The following C3orf20 variants were observed in gnomAD, a reference collection of about 807,000 sequenced individuals.
The protein encoded by C3orf20 is family with sequence similarity 149 member C, also known as uncharacterized protein C3orf20.
Under a neutral mutation model 88.3 loss-of-function variants are expected in C3orf20, and 76 were observed. The ratio of observed to expected loss-of-function variants is 0.86; its 90% confidence interval spans 0.72 to 1.04. The LOEUF (loss-of-function observed/expected upper bound fraction) is 1.04. Among genes scored for constraint, C3orf20 ranks in the 50% least tolerant of loss-of-function variants. The pLI, the probability that C3orf20 is intolerant of heterozygous loss-of-function variation, is 0.00. For missense variants in C3orf20, 1,056 were observed against 1,123.3 expected (o/e 0.94, Z 0.86); for synonymous variants, 436 against 437.4 (o/e 1.00, Z 0.04).
In C3orf20 at chr3:14,684,251, A is replaced by G; in HGVS notation, c.494A>G (p.Asn165Ser). ...AMVESMSVGA[N>S]PLDITRRFVE... is the part of the protein sequence containing the mutation. The stretch of plus-strand genomic sequence containing the variant: ...TCTATCATTGCTTTAGTGGGTGCCA[A>G]CCCCTTGGACATCACCAGGCGCTTT... The change falls in exon 4 of 17, where the codon AAC becomes AGC. Residue 165 changes from asparagine to serine, a missense_variant. Transcript: ENST00000253697. 6.2e-7 allele frequency: 1 copy of G among 1,613,950 alleles called. No homozygotes were observed. Among genetic ancestry groups the G allele is most frequent in the East Asian group, 2.2e-5 (1 of 44,868 alleles).
chr3:14,677,707 G>C (rs2031852272), intron 1 of C3orf20, among the ~76,000 whole-genome samples: 1 of 151,998 alleles, frequency 6.6e-6, no homozygotes, highest in Non-Finnish European at 1.5e-5. Context: ...CACCATGTTG[G>C]CCAGGCTGGT....
chr3:14,690,593 A>G (rs1427125651), intron 5 of C3orf20, among the ~76,000 whole-genome samples: 1 of 152,218 alleles, frequency 6.6e-6, no homozygotes, highest in Non-Finnish European at 1.5e-5. Flanking sequence ...GACATAGGAG[A>G]TACTCCTATT....
intron 12 of C3orf20, among the ~76,000 whole-genome samples, chr3:14,736,680 C>T (rs186896356): frequency 6.6e-6 from 1 of 151,872 alleles, no homozygotes; most frequent in African/African-American, 2.4e-5. Flanking sequence ...GATTCTCGTG[C>T]CTCAGCCTCC....
intron 3 of C3orf20, among the ~76,000 whole-genome samples, chr3:14,683,766 C>T (rs1044788759): frequency 6.6e-6 from 1 of 151,284 alleles, no homozygotes; most frequent in African/African-American, 2.4e-5. Flanking sequence ...ATCCCAGCTA[C>T]GCAGAAGGCC....
Position 14,684,352 on chromosome 3 carries a change from A to G in C3orf20, c.595A>G (p.Ser199Gly). 1 of 1,614,162 alleles carries G rather than the reference A, an allele frequency of 6.2e-7. No individual in the cohort carries two copies. Among genetic ancestry groups the G allele is most frequent in the Non-Finnish European group, 8.5e-7 (1 of 1,180,004 alleles). The change falls in exon 4 of 17, where the codon AGT becomes GGT. Residue 199 changes from serine to glycine, a missense_variant. By Grantham distance (56) the Ser-to-Gly change is moderately conservative. Transcript: ENST00000253697. The stretch of plus-strand genomic sequence containing the variant: ...CTGCCTGATCAGCACAGCCGGGAGA[A>G]GTGGCTACAGCAGCGGACAGTTGTG... Reference protein sequence around the residue: ...FNCLISTAGRSGYSSGQLWKE... With the variant: ...FNCLISTAGRGGYSSGQLWKE...
chr3:14,761,767 G>A, intron 15 of C3orf20, 152 bp downstream of exon 15: 1 of 853,624 alleles, frequency 1.2e-6, no homozygotes, highest in Admixed American at 2.4e-5. Flanking sequence ...GCCTCCACCT[G>A]TGGCACACAC....
intron 5 of C3orf20, among the ~76,000 whole-genome samples, chr3:14,694,172 G>T (rs2032864947): frequency 6.6e-6 from 1 of 152,084 alleles, no homozygotes; most frequent in South Asian, 2.1e-4. Flanking sequence ...ATGTGTCTTT[G>T]TCTGGTTTTG....
At chr3:14,716,075 G>A (rs2033930184) in intron 9 of C3orf20, among the ~76,000 whole-genome samples, 1 of 152,138 alleles carries the variant, frequency 6.6e-6, no homozygotes, top group African/African-American at 2.4e-5. Flanking sequence ...ATACTTCTTT[G>A]GTATAACTGT....
In C3orf20 at chr3:14,772,707, C is replaced by T. The variant is rs1463349877; in HGVS notation, c.2631-84C>T. On this transcript the variant is annotated intron_variant, in intron 16 of 16. Coordinates refer to ENST00000253697, the MANE Select transcript of C3orf20 (RefSeq NM_032137.5). The surrounding 1 kb of genome is among the most constrained non-coding windows in gnomAD (Gnocchi z 4.2). ...CACCTGTGCAAGGGAGAGGGCCTTG[C>T]CCCTCCTGGCCCAACCGGGCCTGGG... 3.6e-6 allele frequency: 4 copies of T among 1,109,462 alleles called. No individual in the cohort carries two copies. The highest frequency in any genetic ancestry group is 3.1e-5 in the African/African-American group (2 of 65,024). 68.7% of individuals were successfully genotyped at this position (1,109,462 alleles called of 1,614,324 possible).
At chr3:14,711,914 T>C (rs2033755034) in intron 7 of C3orf20, among the ~76,000 whole-genome samples, 1 of 152,160 alleles carries the variant, frequency 6.6e-6, no homozygotes, top group African/African-American at 2.4e-5. Flanking sequence ...TGACTTTTTG[T>C]AGCATGCCAT....
chr3:14,768,087 G>T lies in C3orf20; in HGVS notation c.2496-3980G>T, dbSNP rs909469038. Among the ~76,000 whole-genome samples the T allele has an allele frequency of 6.6e-6, 1 of 152,236 alleles. No individual in the cohort carries two copies. Among genetic ancestry groups the T allele is most frequent in the African/African-American group, 2.4e-5 (1 of 41,458 alleles). On this transcript the variant is annotated intron_variant, in intron 15 of 16. Coordinates refer to ENST00000253697, the MANE Select transcript of C3orf20 (RefSeq NM_032137.5). This position sits in a 1 kb window ranked among gnomAD's most constrained non-coding sequence, Gnocchi z 4.1. ...CAGATGGGAGGGGAAGCTCTTTACA[G>T]CTGCGCCACTTGGTAGCACCCCTGC...
At chr3:14,736,590 CTT>C (rs200133127) in intron 12 of C3orf20, among the ~76,000 whole-genome samples, 3 of 143,288 alleles carry the variant, frequency 2.1e-5, no homozygotes. Context: ...TGCGCCTGGC[CTT>C]TTTTTTTTTT....
rs181780594 is a variant in C3orf20, at chr3:14,736,564, T to G, written c.1940+7876T>G. ...CCTTGGCCTCCCAAAGTGCTATGAT[T>G]ACAGGCATGAGCCACTGCGCCTGGC... On this transcript the variant is annotated intron_variant, in intron 12 of 16. Coordinates refer to ENST00000253697, the MANE Select transcript of C3orf20 (RefSeq NM_032137.5). Among the ~76,000 whole-genome samples the G allele has an allele frequency of 5.5e-4, 83 of 151,646 alleles. 1 individual carries two copies. The highest frequency in any genetic ancestry group is 3.4e-3 in the Middle Eastern group (1 of 290).
At chr3:14,704,231 A>T in intron 6 of C3orf20, 106 bp from the exon 7 acceptor site, 1 of 1,176,650 alleles carries the variant, frequency 8.5e-7, no homozygotes, top group Non-Finnish European at 1.2e-6. Flanking sequence ...CTTTGGGGAC[A>T]GGGGAATGGG....
At chr3:14,725,565 C>CAAAT (rs575013961) in intron 10 of C3orf20, among the ~76,000 whole-genome samples, 2 of 152,114 alleles carry the variant, frequency 1.3e-5, no homozygotes, top group Non-Finnish European at 2.9e-5. Flanking sequence ...GTATAAATTT[C>CAAAT]AAATAAATAA....
chr3:14,706,715 A>G (rs1156351822), intron 7 of C3orf20, among the ~76,000 whole-genome samples: 3 of 151,466 alleles, frequency 2.0e-5, no homozygotes, highest in Admixed American at 1.3e-4. Flanking sequence ...TGCACAAATC[A>G]CTTGATCTCT....
intron 14 of C3orf20, 132 bp from the exon 15 acceptor site, chr3:14,761,341 C>T: frequency 4.6e-6 from 5 of 1,079,240 alleles, no homozygotes; most frequent in Non-Finnish European, 6.8e-6. Flanking sequence ...CCACCCCAGG[C>T]CTGCCTCACG....
intron 12 of C3orf20, among the ~76,000 whole-genome samples, chr3:14,740,207 T>C (rs750385700): frequency 1.4e-4 from 22 of 152,214 alleles, no homozygotes; most frequent in Non-Finnish European, 2.5e-4. Flanking sequence ...CGTGCAACTC[T>C]TTTCACTTGA....
intron 10 of C3orf20, among the ~76,000 whole-genome samples, chr3:14,724,042 C>T (rs771886243): frequency 5.9e-5 from 9 of 152,152 alleles, no homozygotes; most frequent in African/African-American, 9.6e-5. Flanking sequence ...TGGTCTCAAA[C>T]TCCTGACCTT....
Sources: gnomAD v4.1 joint callset for allele counts (sites outside exome capture counted in the v4.1 genomes callset) on GRCh38, gnomAD v4.1.1 for gene constraint, Gnocchi (gnomAD v3.1) non-coding constraint, MANE v1.5 for transcripts, NCBI Gene and HGNC (gene_info 2026-07-23, HGNC 2026-07-21) for gene names.